Variants in ANO3 observed in about 807,000 individuals in gnomAD.
ANO3 encodes anoctamin 3.
A neutral mutation model predicts 144.8 loss-of-function variants in ANO3; 99 were observed. The ratio of observed to expected loss-of-function variants is 0.68; its 90% CI spans 0.58 to 0.81. The LOEUF is 0.81. ANO3 is among the 30% of genes least tolerant of loss of function. The pLI, the probability that ANO3 is intolerant of heterozygous loss-of-function variation, is 0.00. For synonymous variants in ANO3, 414 were observed against 392.6 expected (o/e 1.05, Z -0.64); for missense variants, 905 against 1,202.2 (o/e 0.75, Z 3.66).
At chr11:26,453,823 G>C (rs547171006) in intron 3 of ANO3, among the ~76,000 whole-genome samples, 1 of 151,932 alleles carries the variant, frequency 6.6e-6, no homozygotes, top group African/African-American at 2.4e-5. Context: ...TGACCACATG[G>C]TTGGAAGTAA....
At chr11:26,447,429 G>C (rs1858744438) in intron 3 of ANO3, among the ~76,000 whole-genome samples, 2 of 152,136 alleles carry the variant, frequency 1.3e-5, no homozygotes, top group Non-Finnish European at 2.9e-5. Context: ...CACATAGCTA[G>C]CCAATGGAGA....
chr11:26,246,104 G>A (rs1019736348), intron 1 of ANO3, among the ~76,000 whole-genome samples: 1 of 152,104 alleles, frequency 6.6e-6, no homozygotes, highest in Non-Finnish European at 1.5e-5. Flanking sequence ...TTGGAGAGGG[G>A]GAAGGTAAGG....
At chr11:26,206,516 G>A (rs919475105) in intron 1 of ANO3, among the ~76,000 whole-genome samples, 2 of 151,974 alleles carry the variant, frequency 1.3e-5, no homozygotes, top group African/African-American at 4.8e-5. Flanking sequence ...TATCTTCAAG[G>A]AAAAGACAAG....
rs571080970 is a variant in ANO3 at position 26,492,996 on chromosome 11, A to G, written c.433-15108A>G. ...AAAAAGCTAAGGTAAAGATAAAGAC[A>G]CAATTCTTAGCACATAATAGATTCT... On this transcript the variant is annotated intron_variant, in intron 4 of 26. Coordinates refer to ENST00000256737, the MANE Select transcript of ANO3 (RefSeq NM_031418.4). Among the ~76,000 whole-genome samples the G allele has an allele frequency of 1.5e-3, 224 of 152,358 alleles. 1 individual carries two copies. Among genetic ancestry groups the G allele is most frequent in the Non-Finnish European group, 3.0e-3 (203 of 68,040 alleles).
At position 26,254,878 on chromosome 11, in the gene ANO3, T is replaced by C. The variant is rs188662607; in HGVS notation, c.155-54767T>C. Among the ~76,000 whole-genome samples the C allele has an allele frequency of 1.1e-3, 165 of 152,298 alleles. 1 individual carries two copies. The highest frequency in any genetic ancestry group is 3.8e-3 in the African/African-American group (157 of 41,582). On this transcript the variant is annotated intron_variant, in intron 1 of 27. Coordinates refer to the ANO3 transcript ENST00000672621. ...AGTACAACACTCTTACAGTGTATTA[T>C]CTCAATTCGTCCTCAAAACAACCAT...
chr11:26,458,224 T>C (rs1321283519), intron 3 of ANO3, among the ~76,000 whole-genome samples: 1 of 152,114 alleles, frequency 6.6e-6, no homozygotes, highest in Non-Finnish European at 1.5e-5. Context: ...CAAAACACAT[T>C]AGTAGGTTTC....
At chr11:26,535,928 A>AT (rs758765048) in intron 9 of ANO3, among the ~76,000 whole-genome samples, 2 of 152,060 alleles carry the variant, frequency 1.3e-5, no homozygotes, top group Non-Finnish European at 2.9e-5. Context: ...TGTTCTTCTA[A>AT]TTAATAATTT....
chr11:26,259,179 G>A (rs997747700), intron 1 of ANO3, among the ~76,000 whole-genome samples: 7 of 152,104 alleles, frequency 4.6e-5, no homozygotes, highest in Admixed American at 6.5e-5. Context: ...AGGGATAAAC[G>A]CACTCTCTCT....
chr11:26,330,964 T>A (rs1855022733), upstream of ANO3, among the ~76,000 whole-genome samples: 1 of 152,240 alleles, frequency 6.6e-6, no homozygotes, highest in Non-Finnish European at 1.5e-5. Context: ...ATGTGTCTGT[T>A]CAATAACATC....
intron 1 of ANO3, among the ~76,000 whole-genome samples, chr11:26,235,002 A>AGAGAGAGAGAGAGAGAGAGAGAGAG (rs1852485409): frequency 7.1e-6 from 1 of 140,166 alleles, no homozygotes; most frequent in Non-Finnish European, 1.6e-5. Context: ...AGAGAAAAGA[A>AGAGAGAGAGAGAGAGAGAGAGAGAG]AGAGAGAGAG....
At chr11:26,593,811 C>T (rs1851525012) in intron 14 of ANO3, among the ~76,000 whole-genome samples, 1 of 152,156 alleles carries the variant, frequency 6.6e-6, no homozygotes, top group South Asian at 2.1e-4. Flanking sequence ...TCCAGAGCCT[C>T]CAAAGTCCGC....
At chr11:26,527,050 ATAATTAG>A (rs549682226) in intron 7 of ANO3, among the ~76,000 whole-genome samples, 613 of 55,258 alleles carry the variant, frequency 0.011, 4 homozygotes, top group Non-Finnish European at 0.016. Context: ...TTGCTACTAC[ATAATTAG>A]TAGGTTTTCT....
At chr11:26,624,537 A>G in intron 18 of ANO3, 39 bp downstream of exon 18, 1 of 1,440,784 alleles carries the variant, frequency 6.9e-7, no homozygotes, top group Non-Finnish European at 9.7e-7. Flanking sequence ...TAGTCAGAAA[A>G]TAACATATGG....
intron 14 of ANO3, chr11:26,563,403 G>C (rs1296005675): frequency 2.4e-4 from 40 of 168,958 alleles, no homozygotes; most frequent in Middle Eastern, 1.6e-3. Flanking sequence ...CTCTGTGTGT[G>C]TGTGTGTGTG....
chr11:26,222,663 T>G (rs1007688106), intron 1 of ANO3, among the ~76,000 whole-genome samples: 2 of 152,258 alleles, frequency 1.3e-5, no homozygotes, highest in African/African-American at 4.8e-5. Flanking sequence ...GCCATGCTTC[T>G]TTAAGTCTTG....
At chr11:26,211,190 A>G (rs1447470007) in intron 1 of ANO3, among the ~76,000 whole-genome samples, 1 of 152,186 alleles carries the variant, frequency 6.6e-6, no homozygotes, top group East Asian at 1.9e-4. Context: ...AATAGAACTC[A>G]GGATGAAGAA....
intron 17 of ANO3, among the ~76,000 whole-genome samples, chr11:26,620,153 A>G (rs1852373923): frequency 6.6e-6 from 1 of 152,212 alleles, no homozygotes; most frequent in African/African-American, 2.4e-5. Context: ...CGAAGGTGCC[A>G]AAAGTGGCAT....
At chr11:26,497,398 A>G (rs1602935) in intron 4 of ANO3, among the ~76,000 whole-genome samples, 111,168 of 151,846 alleles carry the variant, frequency 0.73, 41,190 homozygotes, top group Middle Eastern at 0.83. Flanking sequence ...TTGCTAGGTC[A>G]ATTAGTTCTT....
chr11:26,480,735 G>T (rs558259025), intron 4 of ANO3, among the ~76,000 whole-genome samples: 1 of 152,176 alleles, frequency 6.6e-6, no homozygotes, highest in East Asian at 1.9e-4. Context: ...TTGAACCCAG[G>T]AGGTGGAGTT....
Sources: gnomAD v4.1 joint callset for allele counts (sites outside exome capture counted in the v4.1 genomes callset) on GRCh38, gnomAD v4.1.1 for gene constraint, MANE v1.5 for transcripts, NCBI Gene and HGNC (gene_info 2026-07-23, HGNC 2026-07-21) for gene names.